The following NUDCD3 variants were observed in gnomAD, a reference collection of about 807,000 sequenced individuals.
NUDCD3 encodes the protein nudC domain-containing protein 3.
Under a neutral mutation model 39.7 loss-of-function variants are expected in NUDCD3, and 13 were observed. The ratio of observed to expected loss-of-function variants is 0.33; its 90% CI spans 0.21 to 0.52. The LOEUF is 0.52. Ranked by LOEUF, NUDCD3 falls within the 20% of genes least tolerant of loss-of-function variation. The pLI is 0.96. For missense variants in NUDCD3, 453 were observed against 458.1 expected (o/e 0.99, Z 0.10); for synonymous variants, 175 against 172.4 (o/e 1.02, Z -0.12).
chr7:44,434,312 G>A (rs1361975601), intron 2 of NUDCD3, among the ~76,000 whole-genome samples: 1 of 152,090 alleles, frequency 6.6e-6, no homozygotes, highest in Non-Finnish European at 1.5e-5. Flanking sequence ...GGCCTCTGCA[G>A]CCTTCAACCT....
intron 2 of NUDCD3, among the ~76,000 whole-genome samples, chr7:44,446,970 G>GT (rs1799700776): frequency 9.9e-5 from 15 of 152,162 alleles, no homozygotes; most frequent in Admixed American, 9.8e-4. Context: ...AAGTTTTTTG[G>GT]TAAGTACAGC....
chr7:44,485,225 A>C lies in NUDCD3; in HGVS notation c.252T>G (p.Leu84=). ...CTTCCTTTCTTCTGATTTTCTCTTC[A>C]AGTTCCTGCCTTCTCTTCTCATCAT... ...RQDDEKRRQE[L]EEKIRRKEEE... is the part of the protein sequence containing the mutation. Residue 84 remains leucine, a synonymous_variant, in exon 2 of 6, where the codon CTT becomes CTG. Coordinates refer to ENST00000355451, the MANE Select transcript of NUDCD3 (RefSeq NM_015332.4). The C allele has an allele frequency of 1.2e-6, 2 of 1,614,040 alleles. No individual in the cohort carries two copies. Among genetic ancestry groups the C allele is most frequent in the Non-Finnish European group, 1.7e-6 (2 of 1,179,990 alleles).
intron 2 of NUDCD3, chr7:44,484,661 G>A (rs1800566925): frequency 7.2e-6 from 2 of 276,086 alleles, no homozygotes; most frequent in East Asian, 1.5e-4. Context: ...GAGCTGCTGA[G>A]GCTAAGCCTC....
intron 3 of NUDCD3, among the ~76,000 whole-genome samples, chr7:44,411,285 T>A (rs938669889): frequency 6.6e-6 from 1 of 152,090 alleles, no homozygotes; most frequent in African/African-American, 2.4e-5. Flanking sequence ...AATATTGACT[T>A]CATCAAAATT....
At chr7:44,424,090 T>C (rs1200529632) in intron 3 of NUDCD3, among the ~76,000 whole-genome samples, 2 of 152,162 alleles carry the variant, frequency 1.3e-5, no homozygotes, top group African/African-American at 4.8e-5. Context: ...TGGCTAGCCA[T>C]GTGCAGAAAA....
intron 2 of NUDCD3, among the ~76,000 whole-genome samples, chr7:44,449,448 G>C (rs1799750651): frequency 6.6e-6 from 1 of 152,188 alleles, no homozygotes; most frequent in African/African-American, 2.4e-5. Context: ...CTCAAGAGTA[G>C]AAGACAAGGA....
chr7:44,457,613 T>C (rs1799929153), intron 2 of NUDCD3, among the ~76,000 whole-genome samples: 1 of 152,160 alleles, frequency 6.6e-6, no homozygotes, highest in Non-Finnish European at 1.5e-5. Context: ...ACTACGAAAC[T>C]AATGGGAAAA....
In NUDCD3 at chr7:44,386,085, C is replaced by T. The variant is rs1349846297; in HGVS notation, c.1012G>A (p.Glu338Lys). The stretch of plus-strand genomic sequence containing the variant: ...CGCTGGCCTCGGAAGGGAGAACCTT[C>T]AGCATCCCACCCCTTCTTCAGCATC... ...HEMLKKGWDAEGSPFRGQRFD... is the reference protein window; with the variant it reads ...HEMLKKGWDAKGSPFRGQRFD... The change falls in exon 6 of 6, where the codon GAA (glutamate) becomes AAA (lysine). Residue 338 changes from glutamate to lysine, a missense_variant. Glu to Lys is a moderately conservative substitution (Grantham distance 56). Coordinates refer to ENST00000355451, the MANE Select transcript of NUDCD3 (RefSeq NM_015332.4). The T allele has an allele frequency of 1.9e-6, 3 of 1,613,984 alleles. No individual in the cohort carries two copies. The highest frequency in any genetic ancestry group is 2.5e-6 in the Non-Finnish European group (3 of 1,179,946).
intron 2 of NUDCD3, among the ~76,000 whole-genome samples, chr7:44,473,941 T>C (rs1800306665): frequency 6.6e-6 from 1 of 152,132 alleles, no homozygotes; most frequent in African/African-American, 2.4e-5. Context: ...CAAACAAAAC[T>C]TTCTTTTAAT....
chr7:44,470,589 A>G (rs554849256), intron 2 of NUDCD3, among the ~76,000 whole-genome samples: 1 of 152,328 alleles, frequency 6.6e-6, no homozygotes, highest in South Asian at 2.1e-4. Context: ...AGAGAGCACA[A>G]GGCCTGCGTG....
chr7:44,461,472 C>CT (rs1324934461), intron 2 of NUDCD3, among the ~76,000 whole-genome samples: 5 of 152,096 alleles, frequency 3.3e-5, no homozygotes, highest in African/African-American at 1.2e-4. Flanking sequence ...CAGGAAAAGG[C>CT]TGTCTCCCTG....
At chr7:44,465,068 A>T (rs1198217219) in intron 2 of NUDCD3, among the ~76,000 whole-genome samples, 1 of 152,172 alleles carries the variant, frequency 6.6e-6, no homozygotes, top group African/African-American at 2.4e-5. Flanking sequence ...CACCAGTTCA[A>T]ACACCTATGC....
chr7:44,423,260 C>A (rs1445574563), intron 3 of NUDCD3, among the ~76,000 whole-genome samples: 1 of 152,194 alleles, frequency 6.6e-6, no homozygotes, highest in African/African-American at 2.4e-5. Context: ...CTCACCACTC[C>A]TATTCAACAC....
At chr7:44,412,653 C>T (rs895731794) in intron 3 of NUDCD3, among the ~76,000 whole-genome samples, 1 of 152,122 alleles carries the variant, frequency 6.6e-6, no homozygotes, top group Non-Finnish European at 1.5e-5. Context: ...CAGGGCCGGG[C>T]GCAGTGGCTC....
chr7:44,487,472 A>AC (rs1285976736), intron 1 of NUDCD3, among the ~76,000 whole-genome samples: 1 of 151,812 alleles, frequency 6.6e-6, no homozygotes, highest in Non-Finnish European at 1.5e-5. Flanking sequence ...AAAAAAAAAA[A>AC]ACCCTAAGAG....
At position 44,384,440 on chromosome 7, in the gene NUDCD3, C is replaced by T. The variant is rs1798364346; in HGVS notation, c.*1571G>A. ...ATCAGACAACAAGACTCTCACATTC[C>T]AAAGGGGGTATCTAGGGCCTTTTGC... On this transcript the variant is annotated 3_prime_UTR_variant, in exon 6 of 6. Coordinates refer to ENST00000355451, the MANE Select transcript of NUDCD3 (RefSeq NM_015332.4). The T allele has an allele frequency of 6.6e-6, 1 of 152,232 alleles. No individual in the cohort carries two copies. Among genetic ancestry groups the T allele is most frequent in the Non-Finnish European group, 1.5e-5 (1 of 68,072 alleles). 9.4% of individuals were successfully genotyped at this position (152,232 alleles called of 1,614,324 possible). A position where few individuals can be genotyped will look rare whatever the true frequency, so the allele number is the denominator to read the frequency against.
chr7:44,383,828 G>A lies in NUDCD3; in HGVS notation c.*2183C>T, dbSNP rs1396777355. The A allele has an allele frequency of 6.6e-6, 1 of 152,274 alleles. No homozygotes were observed. Among genetic ancestry groups the A allele is most frequent in the East Asian group, 1.9e-4 (1 of 5,190 alleles). The allele number at this position is 152,274 out of a possible 1,614,324, so 9.4% of individuals were successfully genotyped here. A position where few individuals can be genotyped will look rare whatever the true frequency, so the allele number is the denominator to read the frequency against. On this transcript the variant is annotated 3_prime_UTR_variant, in exon 6 of 6. Coordinates refer to ENST00000355451, the MANE Select transcript of NUDCD3 (RefSeq NM_015332.4). ...CAGTCCAGGGTGGTGGCTCAGGGCA[G>A]AGAATCACCCACCAGACAGCGTGGC...
At chr7:44,388,868 G>A (rs1424007028) in intron 5 of NUDCD3, among the ~76,000 whole-genome samples, 1 of 152,258 alleles carries the variant, frequency 6.6e-6, no homozygotes, top group Non-Finnish European at 1.5e-5. Flanking sequence ...CCCATGGCAA[G>A]TCTACAGCAG....
At chr7:44,460,026 T>C (rs892197992) in intron 2 of NUDCD3, among the ~76,000 whole-genome samples, 1 of 152,198 alleles carries the variant, frequency 6.6e-6, no homozygotes, top group Non-Finnish European at 1.5e-5. Flanking sequence ...AGCCCTTTAG[T>C]AGACAATGGA....
Sources: allele counts gnomAD v4.1 joint callset (sites outside exome capture counted in the v4.1 genomes callset), GRCh38; gene constraint gnomAD v4.1.1; transcripts MANE v1.5; gene names NCBI Gene and HGNC (gene_info 2026-07-23, HGNC 2026-07-21).